CACNA1C: variants seen among roughly 807,000 people sequenced by gnomAD.
CACNA1C encodes voltage-dependent L-type calcium channel subunit alpha-1C.
In CACNA1C, 30 loss-of-function variants were observed where a neutral mutation model predicts 229.0. The observed-to-expected ratio is 0.13, with a 90% CI of 0.10 to 0.18. The LOEUF (loss-of-function observed/expected upper bound fraction) is 0.18, where lower values mean the gene tolerates loss of function less well. CACNA1C is among the 10% of genes least tolerant of loss of function. The probability of loss-of-function intolerance (pLI) is 1.00; values close to 1 mark genes in which losing one functional copy is unlikely to be tolerated. For synonymous variants in CACNA1C, 1,114 were observed against 1,132.5 expected (o/e 0.98, Z 0.33); for missense variants, 1,658 against 2,845.0 (o/e 0.58, Z 9.49).
intron 29 of CACNA1C, among the ~76,000 whole-genome samples, chr12:2,624,915 G>A (rs1240330940): frequency 6.6e-6 from 1 of 152,222 alleles, no homozygotes; most frequent in African/African-American, 2.4e-5. Flanking sequence ...GATGAAATGC[G>A]GCAACTCTTG....
chr12:2,380,197 A>G (rs1374503404), intron 3 of CACNA1C, among the ~76,000 whole-genome samples: 1 of 152,056 alleles, frequency 6.6e-6, no homozygotes, highest in Non-Finnish European at 1.5e-5. Flanking sequence ...TATTGATGGT[A>G]GATTGTGTTC....
At chr12:2,019,778 C>T (rs2046115776) in intron 1 of CACNA1C, 1 of 151,990 alleles carries the variant, frequency 6.6e-6, no homozygotes, top group South Asian at 2.1e-4. Flanking sequence ...GAAATATGTA[C>T]CTACATGTAT....
intron 1 of CACNA1C, among the ~76,000 whole-genome samples, chr12:2,074,862 A>G (rs557078301): frequency 6.6e-6 from 1 of 152,116 alleles, no homozygotes; most frequent in East Asian, 1.9e-4. Flanking sequence ...CCTGTGGTCT[A>G]CCTTGCGGGG....
intron 3 of CACNA1C, among the ~76,000 whole-genome samples, chr12:2,331,036 C>T (rs1180669600): frequency 1.3e-5 from 2 of 152,046 alleles, no homozygotes; most frequent in African/African-American, 2.4e-5. Context: ...GTACTTACCA[C>T]GAATGTAGTA....
intron 3 of CACNA1C, among the ~76,000 whole-genome samples, chr12:2,327,078 CA>C (rs1234413542): frequency 1.3e-5 from 2 of 152,172 alleles, no homozygotes; most frequent in African/African-American, 4.8e-5. Flanking sequence ...AGGAGATGAT[CA>C]GCTAGTGAGC....
Position 2,597,039 on chromosome 12 carries a change from C to T in CACNA1C, c.2794-191C>T, listed in dbSNP as rs772170759. ...CCGCTGTGCTGCCTGAGGCTAGCCC[C>T]GCCTCAGGATGTCTGTGTGTGTGCC... On this transcript the variant is annotated intron_variant, in intron 20 of 46. Coordinates refer to ENST00000399655, the MANE Select transcript of CACNA1C (RefSeq NM_000719.7). This position sits in a 1 kb window ranked among gnomAD's most constrained non-coding sequence, Gnocchi z 4.3. Among the ~76,000 whole-genome samples the T allele has an allele frequency of 4.6e-5, 7 of 152,074 alleles. No homozygotes were observed. The highest frequency in any genetic ancestry group is 1.9e-4 in the East Asian group (1 of 5,174).
intron 5 of CACNA1C, among the ~76,000 whole-genome samples, chr12:2,463,456 A>G (rs952794549): frequency 2.6e-5 from 4 of 152,222 alleles, no homozygotes; most frequent in South Asian, 2.1e-4. Context: ...AAATATTCAT[A>G]AAAATGATTA....
chr12:2,478,742 G>A (rs2099644497), intron 5 of CACNA1C, among the ~76,000 whole-genome samples: 1 of 152,142 alleles, frequency 6.6e-6, no homozygotes, highest in Admixed American at 6.5e-5. Flanking sequence ...GGTGGGATTG[G>A]GATTCATTGG....
intron 3 of CACNA1C, among the ~76,000 whole-genome samples, chr12:2,396,240 C>T (rs562346976): frequency 6.6e-6 from 1 of 152,222 alleles, no homozygotes; most frequent in South Asian, 2.1e-4. Context: ...CTGTTCAAGC[C>T]TTCTGAGTTG....
At position 2,615,689 on chromosome 12, in the gene CACNA1C, T is replaced by G. The variant is rs75051876; in HGVS notation, c.3828+3676T>G. Among the ~76,000 whole-genome samples, 864 of 152,320 alleles carry G rather than the reference T, an allele frequency of 5.7e-3. 6 individuals carry two copies. Among genetic ancestry groups the G allele is most frequent in the Non-Finnish European group, 8.7e-3 (595 of 68,024 alleles). On this transcript the variant is annotated intron_variant, in intron 29 of 46. Coordinates refer to ENST00000399655, the MANE Select transcript of CACNA1C (RefSeq NM_000719.7). Reference sequence around the variant, plus strand: ...AGCTCTGAGGTCACCAAGGAGGGAATGCACAGGAGCCTGGCGCGGGAAGCA... The same window carrying G: ...AGCTCTGAGGTCACCAAGGAGGGAAGGCACAGGAGCCTGGCGCGGGAAGCA...
intron 38 of CACNA1C, among the ~76,000 whole-genome samples, chr12:2,670,552 AGC>A (rs2096505378): frequency 6.6e-6 from 1 of 152,178 alleles, no homozygotes; most frequent in South Asian, 2.1e-4. Flanking sequence ...CAAAATAATT[AGC>A]TGATTTTTAA....
At chr12:2,038,133 A>C (rs1382003341) in intron 1 of CACNA1C, among the ~76,000 whole-genome samples, 1 of 152,234 alleles carries the variant, frequency 6.6e-6, no homozygotes, top group Non-Finnish European at 1.5e-5. Context: ...CAGGTCCCTG[A>C]CATACTGGAG....
chr12:2,560,613 G>A (rs935048000), intron 11 of CACNA1C, among the ~76,000 whole-genome samples: 3 of 152,120 alleles, frequency 2.0e-5, no homozygotes, highest in Admixed American at 6.5e-5. Context: ...GGAGTTTCTG[G>A]ATCTCAACTT....
chr12:2,473,106 G>A (rs988906100), intron 5 of CACNA1C, among the ~76,000 whole-genome samples: 9 of 152,146 alleles, frequency 5.9e-5, no homozygotes, highest in African/African-American at 1.9e-4. Context: ...CAATTTCAGG[G>A]CCGTAAGTCC....
At chr12:2,214,081 T>A (rs1165455423) in intron 3 of CACNA1C, among the ~76,000 whole-genome samples, 2 of 152,234 alleles carry the variant, frequency 1.3e-5, no homozygotes, top group Non-Finnish European at 2.9e-5. Flanking sequence ...TAGCTTCTTG[T>A]CTTGCTTCTC....
intron 3 of CACNA1C, among the ~76,000 whole-genome samples, chr12:2,265,467 G>C (rs958992400): frequency 2.0e-5 from 3 of 152,062 alleles, no homozygotes; most frequent in Admixed American, 6.6e-5. Context: ...ACTGCAGAGT[G>C]GGGGGCTGGA....
At chr12:2,172,332 A>G (rs2096518846) in intron 3 of CACNA1C, among the ~76,000 whole-genome samples, 1 of 152,206 alleles carries the variant, frequency 6.6e-6, no homozygotes, top group African/African-American at 2.4e-5. Flanking sequence ...ATGTCAGTTT[A>G]AAAGGCAGCC....
At chr12:2,003,018 T>A (rs1363338812) in intron 1 of CACNA1C, among the ~76,000 whole-genome samples, 1 of 152,226 alleles carries the variant, frequency 6.6e-6, no homozygotes, top group Non-Finnish European at 1.5e-5. Flanking sequence ...AGAACGAATA[T>A]TAAAGAGCTC....
In CACNA1C at chr12:2,595,788, C is replaced by T. The variant is rs2067881727; in HGVS notation, c.2664-86C>T. ...ACCTGTTGCCAGCTGCTGGGGAGAG[C>T]TGAGGAGAGGGGCTCCCAAGAGCCG... is the stretch of plus-strand genomic sequence containing the variant. On this transcript the variant is annotated intron_variant, in intron 19 of 46. Transcript: ENST00000399655. The surrounding 1 kb of genome is among the most constrained non-coding windows in gnomAD (Gnocchi z 4.1). The T allele has an allele frequency of 3.0e-6, 4 of 1,336,832 alleles. No individual in the cohort carries two copies. In the East Asian group the frequency reaches 9.4e-5, roughly 31 times the overall value. The allele number at this position is 1,336,832 out of a possible 1,614,324, so 82.8% of individuals were successfully genotyped here. A position where few individuals can be genotyped will look rare whatever the true frequency, so the allele number is the denominator to read the frequency against.
Sources: gnomAD v4.1 joint callset for allele counts (sites outside exome capture counted in the v4.1 genomes callset) on GRCh38, gnomAD v4.1.1 for gene constraint, Gnocchi (gnomAD v3.1) non-coding constraint, MANE v1.5 for transcripts, NCBI Gene and HGNC (gene_info 2026-07-23, HGNC 2026-07-21) for gene names.